Variants in ZNF599 observed in about 807,000 individuals in gnomAD.
ZNF599 encodes zinc finger protein 599.
In ZNF599, 10 loss-of-function variants were observed where a neutral mutation model predicts 11.7. The ratio of observed to expected loss-of-function variants is 0.86; its 90% CI spans 0.53 to 1.45. The LOEUF is 1.45. Among genes scored for constraint, ZNF599 ranks in the 40% most tolerant of loss-of-function variants. ZNF599 has a pLI of 0.00. For missense variants in ZNF599, 688 were observed against 713.6 expected, an observed-to-expected ratio of 0.96 and a Z score of 0.41; for synonymous variants, 232 against 253.2, an observed-to-expected ratio of 0.92 and a Z score of 0.79.
the ZNF599 span, chr19:34,788,783 G>C: frequency 6.6e-6 from 1 of 152,172 alleles, no homozygotes; most frequent in Admixed American, 6.5e-5. Context: ...TATATACTGA[G>C]ATGGGATAAA....
the ZNF599 span, among the ~76,000 whole-genome samples, chr19:34,799,127 G>A: frequency 6.7e-4 from 102 of 152,016 alleles, no homozygotes; most frequent in Non-Finnish European, 1.1e-3. Flanking sequence ...CTCAACCTCC[G>A]GAGTAGCTGG....
chr19:34,759,581 C>T lies in ZNF599; in HGVS notation c.1220G>A (p.Arg407His), dbSNP rs777675980. ...CCTCTTATGTCGGATGAAAGTGGAG[C>T]GATGAGTAAAGGCCTTTCCACATTC... ...CGECGKAFTH[R>H]STFIRHKRTH... is the part of the protein sequence containing the mutation. Residue 407 changes from arginine to histidine, a missense_variant, in exon 4 of 4, where the codon CGC (arginine) becomes CAC (histidine). By Grantham distance (29) the Arg-to-His change is conservative. Transcript: ENST00000329285. The T allele has an allele frequency of 2.5e-6, 4 of 1,612,456 alleles. No individual in the cohort carries two copies. The highest frequency in any genetic ancestry group is 1.1e-5 in the South Asian group (1 of 91,028).
chr19:34,765,296 GA>G (rs998792046), intron 3 of ZNF599: 22 of 409,048 alleles, frequency 5.4e-5, no homozygotes, highest in African/African-American at 1.4e-4. Flanking sequence ...AAAGATGATG[GA>G]ATGTACATGA....
At chr19:34,785,853 G>A in the ZNF599 span, among the ~76,000 whole-genome samples, 2 of 152,132 alleles carry the variant, frequency 1.3e-5, no homozygotes, top group Non-Finnish European at 2.9e-5. Flanking sequence ...ATGCTGTTTG[G>A]CCATTGTCAT....
chr19:34,785,770 A>G, the ZNF599 span, among the ~76,000 whole-genome samples: 2 of 152,156 alleles, frequency 1.3e-5, no homozygotes, highest in African/African-American at 4.8e-5. Flanking sequence ...CTGCTCTTCA[A>G]TTTGGTCTGT....
chr19:34,805,354 C>T, the ZNF599 span, among the ~76,000 whole-genome samples: 16 of 152,158 alleles, frequency 1.1e-4, no homozygotes, highest in African/African-American at 2.4e-4. Context: ...CGTGCCACCA[C>T]GCCCAGCTAA....
At chr19:34,777,596 AG>A (rs906716607), upstream of ZNF599, among the ~76,000 whole-genome samples, 4 of 132,314 alleles carry the variant, frequency 3.0e-5, no homozygotes, top group African/African-American at 1.1e-4. Context: ...TCATATATAT[AG>A]GATATATATA....
At chr19:34,799,452 T>A in the ZNF599 span, among the ~76,000 whole-genome samples, 2 of 151,984 alleles carry the variant, frequency 1.3e-5, no homozygotes, top group South Asian at 4.1e-4. Context: ...TTTTGTTTCC[T>A]TTTTATCCAT....
the ZNF599 span, among the ~76,000 whole-genome samples, chr19:34,781,224 A>T: frequency 6.6e-6 from 1 of 152,064 alleles, no homozygotes; most frequent in African/African-American, 2.4e-5. Flanking sequence ...AGGAAATGAA[A>T]GAAAAGAAAT....
chr19:34,801,155 G>A, the ZNF599 span, among the ~76,000 whole-genome samples: 1 of 152,174 alleles, frequency 6.6e-6, no homozygotes, highest in Non-Finnish European at 1.5e-5. Flanking sequence ...TTTGAATGCA[G>A]GTCTCTCTGG....
chr19:34,765,395 G>C, intron 3 of ZNF599: 2 of 587,910 alleles, frequency 3.4e-6, no homozygotes, highest in East Asian at 2.8e-5. Context: ...AGCTGATGGT[G>C]ATGATGAGCT....
chr19:34,803,431 C>T, the ZNF599 span, among the ~76,000 whole-genome samples: 2 of 152,200 alleles, frequency 1.3e-5, no homozygotes, highest in African/African-American at 4.8e-5. Flanking sequence ...ATCAAGGAGA[C>T]TCCATTCCCT....
At chr19:34,796,975 C>A in the ZNF599 span, among the ~76,000 whole-genome samples, 3 of 148,540 alleles carry the variant, frequency 2.0e-5, no homozygotes, top group African/African-American at 7.5e-5. Flanking sequence ...CCCTCCACCC[C>A]ACAACAGGCC....
rs184069151 is a variant in ZNF599 at position 34,760,943 on chromosome 19, G to A, written c.242-384C>T. Among the ~76,000 whole-genome samples, 17 of 152,302 alleles carry A rather than the reference G, an allele frequency of 1.1e-4. No individual in the cohort carries two copies. In the East Asian group the frequency reaches 3.3e-3, roughly 29 times the overall value. On this transcript the variant is annotated intron_variant, in intron 3 of 3. Transcript: ENST00000329285. ...ATGGCCCAGATGAGAGACAGAGAGG[G>A]ATCAGAGGATGTCTTGGATCACAGC... is the stretch of plus-strand genomic sequence containing the variant.
At position 34,760,147 on chromosome 19, in the gene ZNF599, T is replaced by C; in HGVS notation, c.654A>G (p.Gln218=). The part of the protein sequence containing the change: ...FSKKWALVRH[Q]QIHAGVKPYE... Reference sequence around the variant, plus strand: ...AGGGCTTCACTCCAGCATGAATCTGTTGATGCCGAACAAGGGCCCACTTCT... The same window carrying C: ...AGGGCTTCACTCCAGCATGAATCTGCTGATGCCGAACAAGGGCCCACTTCT... The change falls in exon 4 of 4, where the codon CAA becomes CAG. Residue 218 remains glutamine, a synonymous_variant. Coordinates refer to ENST00000329285, the MANE Select transcript of ZNF599 (RefSeq NM_001007248.3). 6.2e-7 allele frequency: 1 copy of C among 1,614,186 alleles called. No homozygotes were observed. The highest frequency in any genetic ancestry group is 1.3e-5 in the African/African-American group (1 of 75,048).
chr19:34,806,520 C>T, the ZNF599 span, among the ~76,000 whole-genome samples: 3 of 152,204 alleles, frequency 2.0e-5, no homozygotes, highest in Non-Finnish European at 4.4e-5. Flanking sequence ...ATTTCCTGAA[C>T]TTGTTTTGCA....
intron 3 of ZNF599, among the ~76,000 whole-genome samples, chr19:34,766,143 A>G (rs1183498983): frequency 1.3e-5 from 2 of 152,020 alleles, no homozygotes; most frequent in Non-Finnish European, 2.9e-5. Flanking sequence ...GAAGATGTGG[A>G]ATAGGGGAGA....
chr19:34,778,629 A>G, the ZNF599 span, among the ~76,000 whole-genome samples: 14 of 152,214 alleles, frequency 9.2e-5, no homozygotes, highest in Non-Finnish European at 4.4e-5. Flanking sequence ...TGTAATGGAG[A>G]ATATGTTAAT....
chr19:34,807,086 C>G, the ZNF599 span, among the ~76,000 whole-genome samples: 1 of 152,212 alleles, frequency 6.6e-6, no homozygotes, highest in Non-Finnish European at 1.5e-5. Context: ...CCCAGGCCAG[C>G]CCAGTTGTGC....
Sources: allele counts gnomAD v4.1 joint callset (sites outside exome capture counted in the v4.1 genomes callset), GRCh38; gene constraint gnomAD v4.1.1; transcripts MANE v1.5; gene names NCBI Gene and HGNC (gene_info 2026-07-23, HGNC 2026-07-21).